LRP1B: variants seen among roughly 807,000 people sequenced by gnomAD.
LRP1B encodes the protein LDL receptor related protein 1B.
LRP1B carries 217 observed loss-of-function variants against 556.6 expected under a neutral mutation model. The observed-to-expected ratio is 0.39, with a 90% CI of 0.35 to 0.44. LRP1B has a LOEUF of 0.44. Among genes scored for constraint, LRP1B ranks in the 20% least tolerant of loss-of-function variants. LRP1B has a pLI of 1.00. For synonymous variants in LRP1B, 2,047 were observed against 1,865.8 expected, an observed-to-expected ratio of 1.10 and a Z score of -2.50; for missense variants, 5,053 against 5,620.8, an observed-to-expected ratio of 0.90 and a Z score of 3.23.
chr2:141,240,317 A>G (rs1009514381), intron 5 of LRP1B, among the ~76,000 whole-genome samples: 5 of 152,034 alleles, frequency 3.3e-5, no homozygotes, highest in African/African-American at 9.7e-5. Context: ...GTTGATTGCA[A>G]TTGATACAGA....
intron 21 of LRP1B, among the ~76,000 whole-genome samples, chr2:140,914,519 A>G (rs780073697): frequency 6.6e-6 from 1 of 152,144 alleles, no homozygotes; most frequent in Non-Finnish European, 1.5e-5. Context: ...TGGGAAGTAA[A>G]TGTCAGTGGC....
chr2:141,675,735 A>AT lies in LRP1B; in HGVS notation c.205+134543dup, dbSNP rs151025628. Among the ~76,000 whole-genome samples the AT allele has an allele frequency of 5.2e-3, 786 of 151,312 alleles. 13 individuals carry two copies. Among genetic ancestry groups the AT allele is most frequent in the African/African-American group, 0.018 (751 of 41,342 alleles). On this transcript the variant is annotated intron_variant, in intron 2 of 90. Coordinates refer to ENST00000389484, the MANE Select transcript of LRP1B (RefSeq NM_018557.3). ...TTTAGTAGAAGTTAGGAATCTGAGTATTTTTTCAAGAATGAGAAAGCAATT... is the reference window on the plus strand; with the variant it reads ...TTTAGTAGAAGTTAGGAATCTGAGTATTTTTTTCAAGAATGAGAAAGCAATT...
chr2:140,421,778 C>G (rs751448676), intron 66 of LRP1B, among the ~76,000 whole-genome samples: 14 of 152,266 alleles, frequency 9.2e-5, no homozygotes, highest in Admixed American at 2.0e-4. Flanking sequence ...AATGAAGAAA[C>G]AGTGAAGGAC....
chr2:142,087,007 C>T, intron 1 of LRP1B, among the ~76,000 whole-genome samples: 1 of 152,078 alleles, frequency 6.6e-6, no homozygotes, highest in Admixed American at 6.5e-5. Context: ...TTTCACATTG[C>T]AGGAGAGTGT....
chr2:140,394,088 C>G (rs2105215545), intron 66 of LRP1B, among the ~76,000 whole-genome samples: 1 of 149,144 alleles, frequency 6.7e-6, no homozygotes. Context: ...TATTCTCTGT[C>G]TCCTTTTCTG....
chr2:142,057,904 T>G (rs1704738359), intron 1 of LRP1B, among the ~76,000 whole-genome samples: 1 of 152,138 alleles, frequency 6.6e-6, no homozygotes, highest in African/African-American at 2.4e-5. Flanking sequence ...TTCAACTTCC[T>G]GCAGTGAATG....
At chr2:141,175,985 C>T (rs2105157660) in intron 7 of LRP1B, among the ~76,000 whole-genome samples, 1 of 152,250 alleles carries the variant, frequency 6.6e-6, no homozygotes, top group South Asian at 2.1e-4. Flanking sequence ...TGTGGGGTTT[C>T]TAACTCGTAT....
intron 3 of LRP1B, among the ~76,000 whole-genome samples, chr2:141,382,235 C>T (rs1406338512): frequency 3.3e-5 from 5 of 152,174 alleles, no homozygotes; most frequent in Non-Finnish European, 7.3e-5. Context: ...CCCCCTTCAA[C>T]TGAGGTCCCA....
chr2:140,478,480 G>C (rs1688073754), intron 59 of LRP1B, among the ~76,000 whole-genome samples: 1 of 152,042 alleles, frequency 6.6e-6, no homozygotes. Flanking sequence ...GAGGGTACTG[G>C]AGATCATATA....
At chr2:141,345,764 CA>C (rs1688234739) in intron 3 of LRP1B, among the ~76,000 whole-genome samples, 1 of 151,648 alleles carries the variant, frequency 6.6e-6, no homozygotes, top group Admixed American at 6.6e-5. Context: ...CTTGGCCTCC[CA>C]AAACCCTGGG....
chr2:141,666,652 G>T (rs1690450037), intron 2 of LRP1B, among the ~76,000 whole-genome samples: 1 of 152,172 alleles, frequency 6.6e-6, no homozygotes, highest in African/African-American at 2.4e-5. Context: ...CCAGATACAA[G>T]TCTGTAACCC....
chr2:141,052,489 A>G (rs1313002156), intron 10 of LRP1B, among the ~76,000 whole-genome samples: 1 of 151,960 alleles, frequency 6.6e-6, no homozygotes, highest in African/African-American at 2.4e-5. Context: ...CTGCTTACCT[A>G]TTGTTGGATA....
rs1689137196 is a variant in LRP1B, at chr2:140,766,859, T to TATATATATATATATATTATATATATATA, written c.5758+2353_5758+2354insTATATATATATAATATATATATATATAT. On this transcript the variant is annotated intron_variant, in intron 35 of 90. Transcript: ENST00000389484. ...TATATATATATTATATATATATATA[T>TATATATATATATATATTATATATATATA]ATATATAATATATATAACATATGAT... 8.2e-4 allele frequency among the ~76,000 whole-genome samples: 41 copies of TATATATATATATATATTATATATATATA among 50,198 alleles called. 1 individual carries two copies. The highest frequency in any genetic ancestry group is 1.8e-3 in the African/African-American group (39 of 22,166). 32.9% of individuals were successfully genotyped at this position (50,198 alleles called of 152,430 possible).
intron 22 of LRP1B, among the ~76,000 whole-genome samples, chr2:140,905,968 T>C (rs564554759): frequency 2.0e-5 from 3 of 152,264 alleles, no homozygotes; most frequent in East Asian, 3.9e-4. Flanking sequence ...AAAAAATCTC[T>C]TCACTAGAAT....
intron 2 of LRP1B, among the ~76,000 whole-genome samples, chr2:141,544,721 A>G (rs1685492340): frequency 6.6e-6 from 1 of 151,874 alleles, no homozygotes; most frequent in South Asian, 2.1e-4. Context: ...GCTGGAGTGC[A>G]GTGGGATGAT....
At chr2:141,344,371 T>C (rs1003670708) in intron 3 of LRP1B, among the ~76,000 whole-genome samples, 3 of 148,526 alleles carry the variant, frequency 2.0e-5, no homozygotes, top group African/African-American at 7.5e-5. Flanking sequence ...TTATCTGCTC[T>C]AGCCACAATG....
intron 86 of LRP1B, among the ~76,000 whole-genome samples, chr2:140,263,498 T>G (rs559083159): frequency 6.6e-6 from 1 of 152,150 alleles, no homozygotes; most frequent in African/African-American, 2.4e-5. Context: ...AATCTTCAAT[T>G]TCGCTTAACA....
At chr2:140,434,912 G>A (rs746461707) in intron 66 of LRP1B, among the ~76,000 whole-genome samples, 4 of 152,044 alleles carry the variant, frequency 2.6e-5, no homozygotes, top group African/African-American at 9.7e-5. Context: ...TAAGTGTAAG[G>A]TTTTTTTAAG....
chr2:140,971,283 T>G (rs1234194117), intron 18 of LRP1B, among the ~76,000 whole-genome samples: 1 of 151,974 alleles, frequency 6.6e-6, no homozygotes, highest in African/African-American at 2.4e-5. Flanking sequence ...AGGGAGAGGT[T>G]GAAGTTATGT....
Sources: gnomAD v4.1 joint callset for allele counts (sites outside exome capture counted in the v4.1 genomes callset) on GRCh38, gnomAD v4.1.1 for gene constraint, MANE v1.5 for transcripts, NCBI Gene and HGNC (gene_info 2026-07-23, HGNC 2026-07-21) for gene names.